Variants in NEB observed in about 807,000 individuals in gnomAD.
The protein encoded by NEB is nemaline myopathy type 2.
A neutral mutation model predicts 952.2 loss-of-function variants in NEB; 512 were observed. The ratio of observed to expected loss-of-function variants is 0.54; its 90% CI spans 0.50 to 0.58. The LOEUF (loss-of-function observed/expected upper bound fraction) is 0.58. Among genes scored for constraint, NEB ranks in the 20% least tolerant of loss-of-function variants. The probability of loss-of-function intolerance (pLI) is 0.00; values close to 1 mark genes in which losing one functional copy is unlikely to be tolerated. For synonymous variants in NEB, 2,900 were observed against 3,149.8 expected (o/e 0.92, Z 2.66); for missense variants, 8,428 against 9,231.1 (o/e 0.91, Z 3.56).
chr2:151,664,200 C>T (rs1448569033), intron 44 of NEB, among the ~76,000 whole-genome samples: 1 of 152,228 alleles, frequency 6.6e-6, no homozygotes, highest in African/African-American at 2.4e-5. Flanking sequence ...AAGAGAGGGC[C>T]TGGCCATGGG....
In NEB at chr2:151,570,540, A is replaced by G. The variant is rs774949638; in HGVS notation, c.17075T>C (p.Ile5692Thr). The G allele has an allele frequency of 1.2e-6, 2 of 1,611,282 alleles. No individual in the cohort carries two copies. The highest frequency in any genetic ancestry group is 1.7e-6 in the Non-Finnish European group (2 of 1,178,988). Reference protein sequence around the residue: ...KAGCDVRLDAIPIQAAKASRE... With the variant: ...KAGCDVRLDATPIQAAKASRE... ...GGAGGCCTTGGCAGCCTGGATGGGG[A>G]TGGCATCCAGCCGGACATCACAGCC... The change falls in exon 108 of 182, where the codon ATC (isoleucine) becomes ACC (threonine). Residue 5692 changes from isoleucine to threonine, a missense_variant. Ile to Thr is a moderately conservative substitution (Grantham distance 89). Coordinates refer to ENST00000397345, the MANE Select transcript of NEB (RefSeq NM_001164508.2).
rs71403173 is a variant in NEB, at chr2:151,512,019, C to CTTT, written c.23346+711_23346+713dup. On this transcript the variant is annotated intron_variant, in intron 161 of 181. Transcript: ENST00000397345. ...CTGCATCATAGGTTACCCTCTCACT[C>CTTT]TTTTTTTTTTTTTTTTTTTTTTTTT... Among the ~76,000 whole-genome samples the CTTT allele has an allele frequency of 6.2e-4, 58 of 93,586 alleles. 3 individuals carry two copies. The highest frequency in any genetic ancestry group is 1.8e-3 in the African/African-American group (43 of 23,310). 61.4% of individuals were successfully genotyped at this position (93,586 alleles called of 152,430 possible).
chr2:151,731,578 C>G lies in NEB; in HGVS notation c.36+1543G>C, dbSNP rs116828574. On this transcript the variant is annotated intron_variant, in intron 3 of 181. Transcript: ENST00000397345. ...AGTTCAATACTTTCTGGCAGGCAGTCTATTCGTTTATCACCTGCTGGTCAG... is the reference window on the plus strand; with the variant it reads ...AGTTCAATACTTTCTGGCAGGCAGTGTATTCGTTTATCACCTGCTGGTCAG... Among the ~76,000 whole-genome samples, 1,288 of 152,262 alleles carry G rather than the reference C, an allele frequency of 8.5e-3. 4 individuals are homozygous for G. Among genetic ancestry groups the G allele is most frequent in the Middle Eastern group, 0.017 (5 of 294 alleles).
chr2:151,633,685 T>C lies in NEB; in HGVS notation c.9383A>G (p.His3128Arg), dbSNP rs1460535254. 7 of 1,613,566 alleles carry C rather than the reference T, an allele frequency of 4.3e-6. No homozygotes were observed. The highest frequency in any genetic ancestry group is 2.2e-5 in the South Asian group (2 of 91,082). Residue 3128 changes from histidine (H) to arginine (R), a missense_variant, in exon 65 of 182, where the codon CAT becomes CGT. By Grantham distance (29) the His-to-Arg change is conservative. Around this residue, in one of 11 missense-constraint regions of NEB, gnomAD observed 1,772 missense variants for 1,960.3 expected, o/e 0.90. Transcript: ENST00000397345. ...TCLPDQSDVI[H>R]ARQAYDLQSD... ...CTGGAGGTCATAGGCCTGCCGAGCA[T>C]GGATGACATCGCTCTGGTCAGGCAG...
rs373371474 is a variant in NEB, at chr2:151,562,815, T to C, written c.18694-7A>G. ...AATGTTTTCTGTAGTTCAACTAATA[T>C]GTTTTAAAGACAAAAATAAGAAAGG... On this transcript the variant is annotated splice_polypyrimidine_tract_variant and splice_region_variant and intron_variant, in intron 119 of 181. Transcript: ENST00000397345. The C allele has an allele frequency of 1.3e-6, 2 of 1,541,572 alleles. No homozygotes were observed. Among genetic ancestry groups the C allele is most frequent in the East Asian group, 2.4e-5 (1 of 41,628 alleles).
At chr2:151,497,795 A>AAAAC in intron 170 of NEB, 77 bp from the exon 171 acceptor site, 2 of 1,540,232 alleles carry the variant, frequency 1.3e-6, no homozygotes, top group South Asian at 2.5e-5. Context: ...GGATGAGGAA[A>AAAAC]AAACACAGTC....
rs780644697 is a variant in NEB, at chr2:151,546,365, G to A, written c.20446C>T (p.Arg6816Trp). ...LYDTPDMVRS[R>W]HLRKLWSNYL... ...CTCACCCAGAGCTTCCGCAGGTGCC[G>A]GGAGCGGACCATGTCAGGAGTGTCA... The change falls in exon 134 of 182, where the codon CGG (arginine) becomes TGG (tryptophan). Residue 6816 changes from arginine to tryptophan, a missense_variant. Transcript: ENST00000397345. 31 of 1,612,560 alleles carry A rather than the reference G, an allele frequency of 1.9e-5. No homozygotes were observed. In the Admixed American group the frequency reaches 3.2e-4, roughly 17 times the overall value.
chr2:151,640,215 G>T, intron 61 of NEB, 140 bp downstream of exon 61: 2 of 1,470,258 alleles, frequency 1.4e-6, no homozygotes, highest in Non-Finnish European at 1.8e-6. Context: ...AGGGTTAAAG[G>T]ATTAAAATTC....
In NEB at chr2:151,674,529, C is replaced by A; in HGVS notation, c.3935G>T (p.Gly1312Val). The change falls in exon 36 of 182, where the codon GGC becomes GTC. Residue 1312 changes from glycine (G) to valine (V), a missense_variant. By Grantham distance (109) the Gly-to-Val change is moderately radical. Coordinates refer to ENST00000397345, the MANE Select transcript of NEB (RefSeq NM_001164508.2). The stretch of plus-strand genomic sequence containing the variant: ...GGCTGCAGTGATGGGAATAGCATCG[C>A]CCAGCACATTGTTGCCCTTGGCTAT... The part of the protein sequence containing the change: ...DLIAKGNNVL[G>V]DAIPITAAKA... 6.2e-7 allele frequency: 1 copy of A among 1,613,966 alleles called. No individual in the cohort carries two copies. Among genetic ancestry groups the A allele is most frequent in the Non-Finnish European group, 8.5e-7 (1 of 1,179,868 alleles).
intron 109 of NEB, 126 bp downstream of exon 109, chr2:151,569,955 T>C: frequency 2.1e-6 from 2 of 944,954 alleles, no homozygotes; most frequent in Non-Finnish European, 3.1e-6. Context: ...CTATAAGGTC[T>C]CACTAATATT....
intron 161 of NEB, among the ~76,000 whole-genome samples, chr2:151,508,926 C>A (rs2071572745): frequency 6.6e-6 from 1 of 152,338 alleles, no homozygotes; most frequent in African/African-American, 2.4e-5. Flanking sequence ...CACTTTAGAG[C>A]CTTATTTTTC....
At chr2:151,565,397 C>A in intron 116 of NEB, 104 bp downstream of exon 116, 1 of 871,698 alleles carries the variant, frequency 1.1e-6, no homozygotes. Flanking sequence ...TTTACCACCT[C>A]CCAATTTTTT....
At chr2:151,546,307 G>A in intron 134 of NEB, 38 bp downstream of exon 134, 1 of 1,517,704 alleles carries the variant, frequency 6.6e-7, no homozygotes, top group Non-Finnish European at 9.1e-7. Flanking sequence ...ATCCAGCTGT[G>A]CGGGGGGTAA....
At chr2:151,730,644 A>C (rs1267429390) in intron 3 of NEB, among the ~76,000 whole-genome samples, 1 of 151,320 alleles carries the variant, frequency 6.6e-6, no homozygotes, top group East Asian at 1.9e-4. Flanking sequence ...AAAAGGATGT[A>C]AAACACTTTA....
Position 151,614,126 on chromosome 2 carries a change from G to A in NEB, c.11601+150C>T. 4.1e-6 allele frequency: 4 copies of A among 964,158 alleles called. No homozygotes were observed. In the South Asian group the frequency reaches 5.5e-5, roughly 13 times the overall value. 59.7% of individuals were successfully genotyped at this position (964,158 alleles called of 1,614,324 possible). ...TATTTCAATATGATTGGTTTCTTCT[G>A]AAACTAAATACATACTTTATTTTGT... is the stretch of plus-strand genomic sequence containing the variant. On this transcript the variant is annotated intron_variant, in intron 77 of 181. Transcript: ENST00000397345.
intron 173 of NEB, among the ~76,000 whole-genome samples, chr2:151,494,642 T>G (rs1462964020): frequency 6.6e-6 from 1 of 151,988 alleles, no homozygotes; most frequent in Non-Finnish European, 1.5e-5. Flanking sequence ...TGTTTTTTTT[T>G]GTTTTGTTTT....
intron 153 of NEB, among the ~76,000 whole-genome samples, 178 bp downstream of exon 153, chr2:151,524,133 A>G (rs1418807124): frequency 6.6e-6 from 1 of 152,226 alleles, no homozygotes; most frequent in Non-Finnish European, 1.5e-5. Flanking sequence ...AAAGGTCTAG[A>G]CAGCTTAGAG....
intron 172 of NEB, among the ~76,000 whole-genome samples, chr2:151,496,703 G>A (rs554040025): frequency 6.7e-4 from 102 of 151,684 alleles, no homozygotes; most frequent in Non-Finnish European, 1.2e-3. Flanking sequence ...CCACACAAAC[G>A]GAAAAACTCA....
At chr2:151,730,706 G>A (rs188772913) in intron 3 of NEB, among the ~76,000 whole-genome samples, 1 of 151,846 alleles carries the variant, frequency 6.6e-6, no homozygotes, top group Admixed American at 6.6e-5. Flanking sequence ...TCAAGGGAAG[G>A]GAAAACATTA....
Sources: allele counts gnomAD v4.1 joint callset (sites outside exome capture counted in the v4.1 genomes callset), GRCh38; gene constraint gnomAD v4.1.1; regional missense constraint gnomAD v4.1.1; transcripts MANE v1.5; gene names NCBI Gene and HGNC (gene_info 2026-07-23, HGNC 2026-07-21).